Variants in GALC observed in about 807,000 individuals in gnomAD.
The protein encoded by GALC is galactocerebrosidase.
Under a neutral mutation model 91.8 loss-of-function variants are expected in GALC, and 77 were observed. The observed-to-expected ratio is 0.84, with a 90% CI of 0.70 to 1.01. GALC has a LOEUF of 1.01. Among genes scored for constraint, GALC ranks in the 50% least tolerant of loss-of-function variants. The pLI is 0.00. For missense variants in GALC, 882 were observed against 855.9 expected (o/e 1.03, Z -0.38); for synonymous variants, 357 against 306.7 (o/e 1.16, Z -1.71).
At chr14:87,984,603 A>C (rs1040694699) in intron 4 of GALC, 70 bp from the exon 5 acceptor site, 16 of 1,545,306 alleles carry the variant, frequency 1.0e-5, no homozygotes, top group Non-Finnish European at 1.4e-5. Flanking sequence ...AAATAAAACA[A>C]ATTTTTTTTA....
chr14:87,934,190 T>C lies in GALC; in HGVS notation c.*542A>G, dbSNP rs181244190. 58 of 1,395,368 alleles carry C rather than the reference T, an allele frequency of 4.2e-5. No homozygotes were observed. Among genetic ancestry groups the C allele is most frequent in the East Asian group, 3.3e-4 (13 of 39,198 alleles). The allele number at this position is 1,395,368 out of a possible 1,614,324, so 86.4% of individuals were successfully genotyped here. A position where few individuals can be genotyped will look rare whatever the true frequency, so the allele number is the denominator to read the frequency against. ...CATATCCTGCATTTCAAAAGTATCA[T>C]CTTAAAAAGGAAAATAAAAAAATAC... On this transcript the variant is annotated 3_prime_UTR_variant, in exon 17 of 17. Coordinates refer to ENST00000261304, the MANE Select transcript of GALC (RefSeq NM_000153.4).
intron 14 of GALC, 83 bp downstream of exon 14, chr14:87,945,470 T>C (rs1885032893): frequency 9.7e-7 from 1 of 1,026,082 alleles, no homozygotes; most frequent in South Asian, 1.3e-5. Context: ...AGGAGGACCA[T>C]TGAAAACTCT....
rs140044382 is a variant in GALC, at chr14:87,942,465, C to A, written c.1671-907G>T. ...CTTACAAATGCTACCAGGTACAACA[C>A]TTTCCTTCTGGAATGCTACAACCAC... is the stretch of plus-strand genomic sequence containing the variant. On this transcript the variant is annotated intron_variant, in intron 14 of 16. Transcript: ENST00000261304. 8.5e-5 allele frequency among the ~76,000 whole-genome samples: 13 copies of A among 152,084 alleles called. No homozygotes were observed. In the East Asian group the frequency reaches 2.1e-3, roughly 25 times the overall value.
At chr14:87,936,921 T>TATATA (rs1176265523) in intron 16 of GALC, among the ~76,000 whole-genome samples, 3 of 141,192 alleles carry the variant, frequency 2.1e-5, no homozygotes, top group African/African-American at 5.3e-5. Flanking sequence ...TATTTATTTA[T>TATATA]TTTCTCATTG....
chr14:87,945,107 T>C (rs1403879885), intron 14 of GALC, among the ~76,000 whole-genome samples: 3 of 109,842 alleles, frequency 2.7e-5, no homozygotes, highest in Non-Finnish European at 5.7e-5. Flanking sequence ...TTTTTACTAT[T>C]GCCATCTACT....
intron 10 of GALC, among the ~76,000 whole-genome samples, chr14:87,961,777 C>T (rs778072923): frequency 7.2e-5 from 11 of 152,092 alleles, no homozygotes; most frequent in Non-Finnish European, 1.6e-4. Flanking sequence ...GAGACACTGA[C>T]AAAAAGGTGG....
intron 1 of GALC, chr14:87,992,459 T>C: frequency 1.3e-6 from 2 of 1,534,798 alleles, no homozygotes; most frequent in Admixed American, 2.0e-5. Flanking sequence ...GAGCCCATTC[T>C]TACCCTGCAC....
At chr14:87,985,240 AG>A (rs1886920596) in intron 4 of GALC, among the ~76,000 whole-genome samples, 1 of 152,240 alleles carries the variant, frequency 6.6e-6, no homozygotes, top group South Asian at 2.1e-4. Context: ...TAGGCTCAAT[AG>A]TTAAGTTCCT....
Position 87,988,224 on chromosome 14 carries a change from CAG to C in GALC, c.265-19_265-18del. 6.2e-7 allele frequency: 1 copy of C among 1,604,450 alleles called. No homozygotes were observed. The highest frequency in any genetic ancestry group is 8.5e-7 in the Non-Finnish European group (1 of 1,171,628). On this transcript the variant is annotated intron_variant, in intron 2 of 16. Transcript: ENST00000261304. Reference sequence around the variant, plus strand: ...AAAATTCGGCTGTGAAAAGAAGTAACAGTATTAACATAGTGTTGTATTGTATG... The same window carrying C: ...AAAATTCGGCTGTGAAAAGAAGTAACTATTAACATAGTGTTGTATTGTATG...
chr14:87,986,666 A>G (rs1033299887), intron 3 of GALC, 64 bp from the exon 4 acceptor site: 75 of 929,658 alleles, frequency 8.1e-5, no homozygotes, highest in Non-Finnish European at 1.2e-4. Context: ...GGACCATCTC[A>G]CTCCCCACCC....
intron 7 of GALC, among the ~76,000 whole-genome samples, chr14:87,975,668 C>A (rs888517298): frequency 1.3e-5 from 2 of 151,856 alleles, no homozygotes; most frequent in Non-Finnish European, 2.9e-5. Context: ...TTTTTGTGTA[C>A]ATTCAAAATT....
At chr14:87,961,138 T>A (rs1885784497) in intron 10 of GALC, among the ~76,000 whole-genome samples, 1 of 152,132 alleles carries the variant, frequency 6.6e-6, no homozygotes, top group South Asian at 2.1e-4. Context: ...TATCCCAATT[T>A]AAAAATGGGC....
intron 9 of GALC, 43 bp downstream of exon 9, chr14:87,965,462 T>C (rs750000624): frequency 3.1e-6 from 5 of 1,606,680 alleles, no homozygotes; most frequent in African/African-American, 1.3e-5. Context: ...GCTTTGTCTC[T>C]TAGAGAAGAA....
chr14:87,958,392 A>G (rs1885652861), intron 10 of GALC, among the ~76,000 whole-genome samples: 1 of 152,182 alleles, frequency 6.6e-6, no homozygotes, highest in Admixed American at 6.5e-5. Flanking sequence ...GTGAATAATT[A>G]ATATTGTTAA....
In GALC at chr14:87,939,950, A is replaced by T; in HGVS notation, c.1866T>A (p.Val622=). ...AGWIIYALGR[V]EVTAKKWYTL... ...TATACCATTTTTTTGCTGTAACTTC[A>T]ACACGTCCTAAAGCATATATAATCC... is the stretch of plus-strand genomic sequence containing the variant. Residue 622 remains valine (V), a synonymous_variant, in exon 16 of 17, where the codon GTT becomes GTA. Transcript: ENST00000261304. The T allele has an allele frequency of 6.2e-7, 1 of 1,610,892 alleles. No individual in the cohort carries two copies. Among genetic ancestry groups the T allele is most frequent in the Non-Finnish European group, 8.5e-7 (1 of 1,177,634 alleles).
At chr14:87,956,404 A>C (rs1013869764) in intron 10 of GALC, among the ~76,000 whole-genome samples, 1 of 151,990 alleles carries the variant, frequency 6.6e-6, no homozygotes, top group Non-Finnish European at 1.5e-5. Context: ...ACGAGTTGCT[A>C]CCATATATTA....
chr14:87,967,186 T>C (rs1443573755), intron 8 of GALC, among the ~76,000 whole-genome samples: 3 of 152,224 alleles, frequency 2.0e-5, no homozygotes, highest in Admixed American at 2.0e-4. Context: ...TCGTCTCAAG[T>C]GAAAAGCAGT....
chr14:87,956,304 A>G (rs1367489176), intron 10 of GALC, among the ~76,000 whole-genome samples: 1 of 151,768 alleles, frequency 6.6e-6, no homozygotes, highest in Non-Finnish European at 1.5e-5. Context: ...TAACTAAAAT[A>G]CTCCAGCAAA....
At chr14:87,947,614 T>A (rs1167324170) in intron 13 of GALC, 114 bp downstream of exon 13, 1 of 983,022 alleles carries the variant, frequency 1.0e-6, no homozygotes, top group African/African-American at 1.6e-5. Flanking sequence ...ATGTAGGAGG[T>A]AAATGAATGT....
Sources: allele counts gnomAD v4.1 joint callset (sites outside exome capture counted in the v4.1 genomes callset), GRCh38; gene constraint gnomAD v4.1.1; transcripts MANE v1.5; gene names NCBI Gene and HGNC (gene_info 2026-07-23, HGNC 2026-07-21).